Variants in ATP10D observed in about 807,000 individuals in gnomAD.
The protein encoded by ATP10D is ATPase phospholipid transporting 10D (putative), also known as phospholipid-transporting ATPase VD.
ATP10D carries 89 observed loss-of-function variants against 144.8 expected under a neutral mutation model. That is an observed-to-expected ratio of 0.61 (90% CI 0.52 to 0.73). ATP10D has a LOEUF of 0.73. Ranked by LOEUF, ATP10D falls within the 30% of genes least tolerant of loss-of-function variation. The pLI is 0.00. For synonymous variants in ATP10D, 571 were observed against 615.1 expected (o/e 0.93, Z 1.06); for missense variants, 1,603 against 1,714.8 (o/e 0.93, Z 1.15).
chr4:47,491,139 C>T, intron 1 of ATP10D: 1 of 734,346 alleles, frequency 1.4e-6, no homozygotes. Context: ...CATTTTCCTT[C>T]ATGCGTTTCA....
chr4:47,580,521 A>G (rs771029194), intron 20 of ATP10D, 43 bp downstream of exon 20: 16 of 1,538,904 alleles, frequency 1.0e-5, no homozygotes, highest in South Asian at 3.4e-5. Context: ...TAATGAATCA[A>G]TGATGCTTCT....
intron 1 of ATP10D, among the ~76,000 whole-genome samples, chr4:47,502,943 T>A (rs920394009): frequency 1.3e-5 from 2 of 152,198 alleles, no homozygotes; most frequent in Non-Finnish European, 2.9e-5. Flanking sequence ...GGCTTACGCC[T>A]GTAATCCCAG....
chr4:47,554,599 TA>T (rs1470700013), intron 10 of ATP10D, 126 bp from the exon 11 acceptor site: 1 of 715,400 alleles, frequency 1.4e-6, no homozygotes, highest in Non-Finnish European at 2.2e-6. Flanking sequence ...CAATTGTTTT[TA>T]GAAAAATAAA....
Position 47,557,888 on chromosome 4 carries a change from C to G in ATP10D, c.2049C>G (p.Pro683=), listed in dbSNP as rs747529536. 35 of 1,614,068 alleles carry G rather than the reference C, an allele frequency of 2.2e-5. No individual in the cohort carries two copies. The highest frequency in any genetic ancestry group is 2.8e-5 in the Non-Finnish European group (33 of 1,180,040). ...AGGTCTCCCAGGTGTGTGAGAGCCCCCAGTGCTCCAGTAGCTCAGCTTGCT... is the reference window on the plus strand; with the variant it reads ...AGGTCTCCCAGGTGTGTGAGAGCCCGCAGTGCTCCAGTAGCTCAGCTTGCT... ...EEEVSQVCES[P]QCSSSSACCT... Residue 683 remains proline (P), a synonymous_variant, in exon 12 of 23, where the codon CCC becomes CCG. Coordinates refer to ENST00000273859, the MANE Select transcript of ATP10D (RefSeq NM_020453.4).
chr4:47,520,358 C>A (rs529577201), intron 3 of ATP10D, among the ~76,000 whole-genome samples: 28 of 152,202 alleles, frequency 1.8e-4, no homozygotes, highest in Admixed American at 1.8e-3. Flanking sequence ...CCTGTTGCTT[C>A]TCTCTAGCTT....
rs1196465984 is a variant in ATP10D, at chr4:47,536,928, T to G, written c.1386T>G (p.His462Gln). The G allele has an allele frequency of 6.2e-7, 1 of 1,607,078 alleles. No individual in the cohort carries two copies. The highest frequency in any genetic ancestry group is 2.2e-5 in the East Asian group (1 of 44,836). ...GTGTGGCAGGATTTGATTACTGCCATGAAGAAAATGGTGAGTGTTGGATTT... is the reference window on the plus strand; with the variant it reads ...GTGTGGCAGGATTTGATTACTGCCAGGAAGAAAATGGTGAGTGTTGGATTT... Reference protein sequence around the residue: ...RCSVAGFDYCHEENARRLESY... With the variant: ...RCSVAGFDYCQEENARRLESY... The change falls in exon 9 of 23, where the codon CAT (histidine) becomes CAG (glutamine). Residue 462 changes from histidine to glutamine, a missense_variant. His to Gln is a conservative substitution (Grantham distance 24, BLOSUM62 0). Transcript: ENST00000273859.
intron 15 of ATP10D, 94 bp from the exon 16 acceptor site, chr4:47,568,743 A>T (rs534093282): frequency 9.3e-7 from 1 of 1,078,550 alleles, no homozygotes; most frequent in East Asian, 2.4e-5. Flanking sequence ...GGTTTTCTTG[A>T]TTCAGCAATT....
Position 47,495,887 on chromosome 4 carries a change from G to A in ATP10D, c.-38+10368G>A, listed in dbSNP as rs138496796. Among the ~76,000 whole-genome samples, 10 of 152,142 alleles carry A rather than the reference G, an allele frequency of 6.6e-5. No homozygotes were observed. The East Asian group carries it at 1.2e-3, about 18-fold the overall frequency. On this transcript the variant is annotated intron_variant, in intron 1 of 22. Coordinates refer to ENST00000273859, the MANE Select transcript of ATP10D (RefSeq NM_020453.4). ...CCAGCAGCTGGGATTACCGGCATGC[G>A]CCACCGCGCCTGGCTAATTTTGTAT...
intron 21 of ATP10D, among the ~76,000 whole-genome samples, chr4:47,586,203 A>T (rs1242194514): frequency 6.6e-6 from 1 of 152,232 alleles, no homozygotes; most frequent in Non-Finnish European, 1.5e-5. Context: ...CTGGGGTGAG[A>T]TTGAGATGAT....
At chr4:47,531,075 G>A (rs908226762) in intron 5 of ATP10D, among the ~76,000 whole-genome samples, 2 of 137,716 alleles carry the variant, frequency 1.5e-5, no homozygotes, top group Admixed American at 1.5e-4. Flanking sequence ...TCCGTAAGAT[G>A]GGTATCAGCT....
intron 20 of ATP10D, among the ~76,000 whole-genome samples, chr4:47,581,633 T>C (rs976744013): frequency 1.3e-5 from 2 of 152,188 alleles, no homozygotes; most frequent in Non-Finnish European, 2.9e-5. Flanking sequence ...ATAGTTATAA[T>C]AGCTGCCTCA....
chr4:47,502,494 T>C (rs1255170983), intron 1 of ATP10D, among the ~76,000 whole-genome samples: 1 of 150,774 alleles, frequency 6.6e-6, no homozygotes, highest in African/African-American at 2.4e-5. Context: ...ATCTGAAGTG[T>C]ATTGAAGAAG....
intron 9 of ATP10D, among the ~76,000 whole-genome samples, chr4:47,537,697 A>G (rs1717924100): frequency 6.6e-6 from 1 of 152,132 alleles, no homozygotes; most frequent in Non-Finnish European, 1.5e-5. Context: ...TGTCTTATGA[A>G]ATTTTTCCTA....
intron 18 of ATP10D, among the ~76,000 whole-genome samples, chr4:47,575,952 G>A (rs1415622934): frequency 2.8e-5 from 3 of 105,516 alleles, no homozygotes; most frequent in African/African-American, 4.2e-5. Flanking sequence ...TTTTTTTTGA[G>A]ACGGAGTCTC....
rs1717052567 is a variant in ATP10D at position 47,523,190 on chromosome 4, C to G, written c.664C>G (p.Gln222Glu). The change falls in exon 4 of 23, where the codon CAG becomes GAG. Residue 222 changes from glutamine (Q) to glutamate (E), a missense_variant. Coordinates refer to ENST00000273859, the MANE Select transcript of ATP10D (RefSeq NM_020453.4). ...TGGAGAGAGCAATTTAAAACAGAGG[C>G]AGGTGGTTCGGGGATATGCAGAACA... ...LDGESNLKQR[Q>E]VVRGYAEQDS... The G allele has an allele frequency of 6.2e-7, 1 of 1,613,804 alleles. No homozygotes were observed. The highest frequency in any genetic ancestry group is 8.5e-7 in the Non-Finnish European group (1 of 1,179,974).
At chr4:47,546,183 A>G (rs777604899) in intron 9 of ATP10D, among the ~76,000 whole-genome samples, 18 of 152,220 alleles carry the variant, frequency 1.2e-4, no homozygotes, top group Non-Finnish European at 2.2e-4. Flanking sequence ...TGACCTTGAC[A>G]ACAGCAATGT....
chr4:47,552,251 C>T (rs115268107), intron 10 of ATP10D, among the ~76,000 whole-genome samples: 374 of 152,312 alleles, frequency 2.5e-3, no homozygotes, highest in African/African-American at 8.4e-3. Flanking sequence ...ATGCAGCCAT[C>T]GGATTCCCTG....
intron 20 of ATP10D, among the ~76,000 whole-genome samples, chr4:47,580,899 C>CAA (rs1412754188): frequency 3.3e-5 from 5 of 152,072 alleles, no homozygotes; most frequent in African/African-American, 1.2e-4. Context: ...ACCATCTCTA[C>CAA]AAAAAATTTA....
At chr4:47,535,027 G>A (rs1322429721) in intron 5 of ATP10D, among the ~76,000 whole-genome samples, 1 of 152,092 alleles carries the variant, frequency 6.6e-6, no homozygotes, top group Non-Finnish European at 1.5e-5. Flanking sequence ...TGTGGATGGA[G>A]CTGAAGGCCA....
Sources: allele counts gnomAD v4.1 joint callset (sites outside exome capture counted in the v4.1 genomes callset), GRCh38; gene constraint gnomAD v4.1.1; transcripts MANE v1.5; gene names NCBI Gene and HGNC (gene_info 2026-07-23, HGNC 2026-07-21).